The following LPP variants were observed in gnomAD, a reference collection of about 807,000 sequenced individuals.
LPP encodes LIM domain containing preferred translocation partner in lipoma.
In LPP, 38 loss-of-function variants were observed where a neutral mutation model predicts 60.4. The ratio of observed to expected loss-of-function variants is 0.63; its 90% CI spans 0.49 to 0.83. The LOEUF is 0.83. Among genes scored for constraint, LPP ranks in the 40% least tolerant of loss-of-function variants. The pLI is 0.00. For missense variants in LPP, 902 were observed against 783.6 expected (o/e 1.15, Z -1.80); for synonymous variants, 328 against 290.8 (o/e 1.13, Z -1.30).
At chr3:188,232,710 C>T (rs1470716250) in intron 2 of LPP, among the ~76,000 whole-genome samples, 1 of 151,864 alleles carries the variant, frequency 6.6e-6, no homozygotes, top group Admixed American at 6.6e-5. Context: ...ATTAAAAGTA[C>T]ATAGTAGGAA....
chr3:188,227,715 T>C (rs1470373148), intron 2 of LPP, among the ~76,000 whole-genome samples: 2 of 152,134 alleles, frequency 1.3e-5, no homozygotes, highest in Non-Finnish European at 1.5e-5. Context: ...CCTTGGAATG[T>C]TTTACCTCAT....
chr3:188,652,352 T>C (rs575049823), intron 7 of LPP, among the ~76,000 whole-genome samples: 1 of 152,290 alleles, frequency 6.6e-6, no homozygotes, highest in South Asian at 2.1e-4. Context: ...TTCTCTATTT[T>C]CTGTCCTCTT....
chr3:188,884,955 G>C lies in LPP; in HGVS notation c.*10476G>C. 4.6e-6 allele frequency: 1 copy of C among 216,754 alleles called. No homozygotes were observed. Among genetic ancestry groups the C allele is most frequent in the Non-Finnish European group, 9.3e-6 (1 of 107,592 alleles). The allele number at this position is 216,754 out of a possible 1,614,324, so 13.4% of individuals were successfully genotyped here. A position where few individuals can be genotyped will look rare whatever the true frequency, so the allele number is the denominator to read the frequency against. On this transcript the variant is annotated 3_prime_UTR_variant, in exon 12 of 12. Transcript: ENST00000617246. The stretch of plus-strand genomic sequence containing the variant: ...GATAGACTTTGCTTCCCAGGATGCT[G>C]TCATTTTGTGATTTTTTATAATTAC...
At chr3:188,817,470 T>C (rs1752773303) in intron 9 of LPP, among the ~76,000 whole-genome samples, 2 of 152,230 alleles carry the variant, frequency 1.3e-5, no homozygotes, top group South Asian at 4.1e-4. Flanking sequence ...ATTATAGAGA[T>C]ACACAAATGG....
At chr3:188,606,058 T>C (rs1333599689) in intron 6 of LPP, among the ~76,000 whole-genome samples, 7 of 152,212 alleles carry the variant, frequency 4.6e-5, no homozygotes, top group Admixed American at 1.3e-4. Context: ...TAAACTCTTG[T>C]GCCACATATG....
At chr3:188,665,994 G>C (rs901271093) in intron 7 of LPP, among the ~76,000 whole-genome samples, 9 of 152,172 alleles carry the variant, frequency 5.9e-5, no homozygotes, top group African/African-American at 1.9e-4. Flanking sequence ...GGTCAGAAAT[G>C]CAGTCATTTA....
At chr3:188,784,322 CAT>C (rs1341613465) in intron 9 of LPP, among the ~76,000 whole-genome samples, 7 of 129,930 alleles carry the variant, frequency 5.4e-5, no homozygotes, top group Non-Finnish European at 9.6e-5. Flanking sequence ...TATATTCCAT[CAT>C]ATATATATAT....
intron 4 of LPP, among the ~76,000 whole-genome samples, chr3:188,415,491 C>T (rs909438713): frequency 2.0e-5 from 3 of 151,774 alleles, no homozygotes; most frequent in African/African-American, 7.3e-5. Context: ...CATGGATGTT[C>T]ATAGCAACTT....
intron 3 of LPP, among the ~76,000 whole-genome samples, chr3:188,345,356 G>A (rs886724694): frequency 2.6e-5 from 4 of 152,126 alleles, no homozygotes; most frequent in Non-Finnish European, 5.9e-5. Flanking sequence ...TTAAAAGACT[G>A]TGGATTCCCT....
intron 6 of LPP, among the ~76,000 whole-genome samples, chr3:188,571,210 G>A (rs1421291668): frequency 1.3e-5 from 2 of 152,068 alleles, no homozygotes; most frequent in African/African-American, 4.8e-5. Flanking sequence ...ATGTTTAGTA[G>A]TGGTGATTTC....
At chr3:188,770,279 C>T (rs905219129) in intron 9 of LPP, among the ~76,000 whole-genome samples, 14 of 148,452 alleles carry the variant, frequency 9.4e-5, no homozygotes, top group African/African-American at 3.5e-4. Context: ...GCCGGGTTCA[C>T]GCCATTCTCC....
chr3:188,757,699 A>G (rs1730719006), intron 8 of LPP, among the ~76,000 whole-genome samples: 1 of 152,170 alleles, frequency 6.6e-6, no homozygotes, highest in Non-Finnish European at 1.5e-5. Flanking sequence ...TAACAAATGT[A>G]AAATGTAAAA....
chr3:188,860,753 G>A (rs1765009288), intron 9 of LPP, among the ~76,000 whole-genome samples: 1 of 152,076 alleles, frequency 6.6e-6, no homozygotes, highest in Non-Finnish European at 1.5e-5. Flanking sequence ...TAGATGCTTG[G>A]GATCCAACGA....
At chr3:188,175,390 G>C (rs747165415) in intron 1 of LPP, among the ~76,000 whole-genome samples, 2 of 152,148 alleles carry the variant, frequency 1.3e-5, no homozygotes, top group Non-Finnish European at 2.9e-5. Context: ...GCCCCACCTA[G>C]AGTAGAATTT....
chr3:188,154,431 G>C (rs548871157), intron 1 of LPP, among the ~76,000 whole-genome samples, 179 bp downstream of exon 1: 1 of 151,996 alleles, frequency 6.6e-6, no homozygotes, highest in African/African-American at 2.4e-5. Context: ...TGCACGCCAT[G>C]GGGGAGGGGG....
In LPP at chr3:188,687,775, C is replaced by CTTTTTTTTTTTTTT. The variant is rs61574227; in HGVS notation, c.1114-20488_1114-20475dup. 4.2e-3 allele frequency among the ~76,000 whole-genome samples: 531 copies of CTTTTTTTTTTTTTT among 126,930 alleles called. 4 individuals carry two copies. The highest frequency in any genetic ancestry group is 6.6e-3 in the Non-Finnish European group (402 of 60,970). The allele number at this position is 126,930 out of a possible 152,430, so 83.3% of individuals were successfully genotyped here. A position where few individuals can be genotyped will look rare whatever the true frequency, so the allele number is the denominator to read the frequency against. On this transcript the variant is annotated intron_variant, in intron 7 of 11. Coordinates refer to ENST00000617246, the MANE Select transcript of LPP (RefSeq NM_001375462.1). Reference sequence around the variant, plus strand: ...CCTGTCTAACCAGCTGTCTTATACTCTTTTTTTTTTTTTTTTTGAGATGAA... The same window carrying CTTTTTTTTTTTTTT: ...CCTGTCTAACCAGCTGTCTTATACTCTTTTTTTTTTTTTTTTTTTTTTTTTTTTTTTGAGATGAA...
chr3:188,645,218 A>G (rs1850883222), intron 7 of LPP, among the ~76,000 whole-genome samples: 1 of 151,896 alleles, frequency 6.6e-6, no homozygotes, highest in South Asian at 2.1e-4. Flanking sequence ...CATTATTTCT[A>G]AACCCTTGTC....
At chr3:188,698,006 G>A (rs1030180687) in intron 7 of LPP, among the ~76,000 whole-genome samples, 7 of 152,174 alleles carry the variant, frequency 4.6e-5, no homozygotes, top group African/African-American at 1.2e-4. Flanking sequence ...CGTGGCAACC[G>A]AAACTCTGTG....
intron 2 of LPP, among the ~76,000 whole-genome samples, chr3:188,245,776 C>T (rs938153547): frequency 4.0e-5 from 6 of 151,836 alleles, no homozygotes; most frequent in African/African-American, 4.8e-5. Flanking sequence ...CTACTGAGCT[C>T]GGTGATCCTC....
Sources: allele counts gnomAD v4.1 joint callset (sites outside exome capture counted in the v4.1 genomes callset), GRCh38; gene constraint gnomAD v4.1.1; transcripts MANE v1.5; gene names NCBI Gene and HGNC (gene_info 2026-07-23, HGNC 2026-07-21).